NFIA: variants seen among roughly 807,000 people sequenced by gnomAD.
NFIA encodes nuclear factor 1 A-type.
A neutral mutation model predicts 62.8 loss-of-function variants in NFIA; 8 were observed. The observed-to-expected ratio is 0.13, with a 90% CI of 0.07 to 0.23. The LOEUF (loss-of-function observed/expected upper bound fraction) is 0.23, where lower values mean the gene tolerates loss of function less well. Among genes scored for constraint, NFIA ranks in the 10% least tolerant of loss-of-function variants. NFIA has a pLI of 1.00. For synonymous variants in NFIA, 235 were observed against 238.1 expected (o/e 0.99, Z 0.12); for missense variants, 410 against 642.1 (o/e 0.64, Z 3.91).
chr1:61,447,680 T>C (rs1356949752), intron 10 of NFIA, among the ~76,000 whole-genome samples: 1 of 152,188 alleles, frequency 6.6e-6, no homozygotes, highest in East Asian at 1.9e-4. Context: ...TGGCGCAGGC[T>C]CAATTTAATG....
chr1:61,320,332 T>C (rs1015772762), intron 3 of NFIA, among the ~76,000 whole-genome samples: 1 of 152,174 alleles, frequency 6.6e-6, no homozygotes, highest in Non-Finnish European at 1.5e-5. Flanking sequence ...CCATAGTATC[T>C]GCAGAAGTGA....
At chr1:61,393,774 G>A (rs1332547919) in intron 7 of NFIA, among the ~76,000 whole-genome samples, 1 of 152,136 alleles carries the variant, frequency 6.6e-6, no homozygotes, top group African/African-American at 2.4e-5. Flanking sequence ...ACCCCCAGGA[G>A]ATAACAGCAA....
intron 2 of NFIA, among the ~76,000 whole-genome samples, chr1:61,236,379 C>T (rs569519068): frequency 5.3e-5 from 8 of 152,280 alleles, no homozygotes; most frequent in Admixed American, 2.6e-4. Flanking sequence ...AAATAACAGA[C>T]GGCAGTGTTT....
chr1:61,101,716 C>T (rs919672641), intron 2 of NFIA, among the ~76,000 whole-genome samples: 4 of 152,104 alleles, frequency 2.6e-5, no homozygotes, highest in African/African-American at 9.7e-5. Flanking sequence ...GAGACTTTTA[C>T]GCTGAAGTGG....
chr1:61,455,260 T>C lies in NFIA; in HGVS notation c.1513-43T>C, dbSNP rs768419727. The stretch of plus-strand genomic sequence containing the variant: ...AGGCAACTTCTAAAACACACGTTTT[T>C]ACAAATTGTGATTTTAATTGTATTT... On this transcript the variant is annotated intron_variant, in intron 10 of 10. Transcript: ENST00000403491. 24 of 1,610,438 alleles carry C rather than the reference T, an allele frequency of 1.5e-5. 1 individual carries two copies. In the South Asian group the frequency reaches 2.1e-4, roughly 14 times the overall value.
intron 2 of NFIA, among the ~76,000 whole-genome samples, chr1:61,121,954 A>T (rs1225333073): frequency 6.6e-6 from 1 of 152,206 alleles, no homozygotes; most frequent in African/African-American, 2.4e-5. Context: ...CTTCCCTGAC[A>T]AGAAAAAAAA....
chr1:61,321,404 C>T (rs546105132), intron 3 of NFIA, among the ~76,000 whole-genome samples: 6 of 143,144 alleles, frequency 4.2e-5, no homozygotes, highest in Non-Finnish European at 7.6e-5. Flanking sequence ...GTTGACATGA[C>T]GAGAGAGAGA....
intron 2 of NFIA, chr1:61,251,350 G>A (rs1355154264): frequency 6.6e-6 from 1 of 152,164 alleles, no homozygotes; most frequent in African/African-American, 2.4e-5. Flanking sequence ...TTTTCTCTTA[G>A]TGCTGTCTGT....
intron 3 of NFIA, among the ~76,000 whole-genome samples, chr1:61,326,165 G>A (rs1660924306): frequency 6.6e-6 from 1 of 152,032 alleles, no homozygotes; most frequent in African/African-American, 2.4e-5. Context: ...TTGGGTGGAG[G>A]GAGCTTTATG....
chr1:61,347,778 G>T (rs1662322032), intron 4 of NFIA, among the ~76,000 whole-genome samples: 1 of 152,186 alleles, frequency 6.6e-6, no homozygotes, highest in Non-Finnish European at 1.5e-5. Context: ...CAGAGACACT[G>T]TGTATCTTTT....
chr1:61,429,764 C>T (rs1667021479), intron 10 of NFIA, among the ~76,000 whole-genome samples: 1 of 152,134 alleles, frequency 6.6e-6, no homozygotes, highest in Non-Finnish European at 1.5e-5. Context: ...CTGACATATG[C>T]CACAACGTGG....
chr1:61,365,241 C>T (rs2100454321), intron 6 of NFIA, among the ~76,000 whole-genome samples: 1 of 152,212 alleles, frequency 6.6e-6, no homozygotes, highest in African/African-American at 2.4e-5. Flanking sequence ...CCTAGACCAA[C>T]AGAATTTTAA....
At chr1:61,084,789 C>G (rs1003108168) in intron 1 of NFIA, among the ~76,000 whole-genome samples, 12 of 151,818 alleles carry the variant, frequency 7.9e-5, no homozygotes. Flanking sequence ...GCCTAGGGCA[C>G]AGTCAGGTAT....
chr1:61,118,995 T>C (rs902190627), intron 2 of NFIA, among the ~76,000 whole-genome samples: 7 of 152,042 alleles, frequency 4.6e-5, no homozygotes, highest in African/African-American at 1.7e-4. Context: ...ATGTACAGAA[T>C]ATGAAAGATA....
chr1:61,236,619 G>A (rs1655030715), intron 2 of NFIA, among the ~76,000 whole-genome samples: 1 of 151,708 alleles, frequency 6.6e-6, no homozygotes, highest in South Asian at 2.1e-4. Context: ...GTACTAAACA[G>A]GATTTTTTTT....
chr1:61,304,805 C>G (rs1446114426), intron 3 of NFIA, among the ~76,000 whole-genome samples: 1 of 152,158 alleles, frequency 6.6e-6, no homozygotes, highest in Non-Finnish European at 1.5e-5. Context: ...CGTGGCACCA[C>G]CTTTTCCTCC....
chr1:61,404,537 A>G (rs1383594385), intron 8 of NFIA, among the ~76,000 whole-genome samples: 1 of 152,242 alleles, frequency 6.6e-6, no homozygotes, highest in Non-Finnish European at 1.5e-5. Flanking sequence ...GGTGAACTAT[A>G]TAACCTTCTA....
At chr1:61,202,640 A>G (rs1043807043) in intron 2 of NFIA, among the ~76,000 whole-genome samples, 4 of 152,202 alleles carry the variant, frequency 2.6e-5, no homozygotes, top group African/African-American at 4.8e-5. Context: ...TGTAAAGTCT[A>G]TGCGCAGTTG....
intron 2 of NFIA, among the ~76,000 whole-genome samples, chr1:61,263,851 A>G (rs1341421890): frequency 6.6e-6 from 1 of 152,290 alleles, no homozygotes; most frequent in East Asian, 1.9e-4. Context: ...TTAGCTGGGC[A>G]TGGCAACATG....
Sources: gnomAD v4.1 joint callset for allele counts (sites outside exome capture counted in the v4.1 genomes callset) on GRCh38, gnomAD v4.1.1 for gene constraint, MANE v1.5 for transcripts, NCBI Gene and HGNC (gene_info 2026-07-23, HGNC 2026-07-21) for gene names.